DOCK4: variants seen among roughly 807,000 people sequenced by gnomAD.
The protein encoded by DOCK4 is dedicator of cytokinesis 4.
In DOCK4, 97 loss-of-function variants were observed where a neutral mutation model predicts 268.1. That is an observed-to-expected ratio of 0.36 (90% CI 0.31 to 0.43). The LOEUF (loss-of-function observed/expected upper bound fraction) is 0.43, where lower values mean the gene tolerates loss of function less well. DOCK4 is among the 20% of genes least tolerant of loss of function. DOCK4 has a pLI of 1.00. For missense variants in DOCK4, 2,145 were observed against 2,455.7 expected (o/e 0.87, Z 2.67); for synonymous variants, 954 against 887.2 (o/e 1.08, Z -1.34).
rs556943152 is a variant in DOCK4 at position 111,929,155 on chromosome 7, C to T, written c.1066+6385G>A. On this transcript the variant is annotated intron_variant, in intron 12 of 52. Coordinates refer to ENST00000428084, the MANE Select transcript of DOCK4 (RefSeq NM_001363540.2). ...ATATGTACATATGTGTGTATACATG[C>T]ATATATAAGTGTATATGTACATATA... is the stretch of plus-strand genomic sequence containing the variant. Among the ~76,000 whole-genome samples, 97 of 151,860 alleles carry T rather than the reference C, an allele frequency of 6.4e-4. 1 individual carries two copies. In the South Asian group the frequency reaches 0.018, roughly 28 times the overall value.
intron 30 of DOCK4, among the ~76,000 whole-genome samples, chr7:111,796,297 C>G (rs906256027): frequency 1.3e-5 from 2 of 152,212 alleles, no homozygotes; most frequent in African/African-American, 2.4e-5. Context: ...CTGAAAGTCC[C>G]TTTACATCAC....
chr7:111,884,704 T>C (rs1807690242), intron 16 of DOCK4, among the ~76,000 whole-genome samples: 1 of 152,074 alleles, frequency 6.6e-6, no homozygotes, highest in Non-Finnish European at 1.5e-5. Flanking sequence ...AAAGGGATCA[T>C]GCAACCTGGA....
chr7:111,783,568 ATTT>A (rs538422573), intron 34 of DOCK4, among the ~76,000 whole-genome samples: 1 of 145,302 alleles, frequency 6.9e-6, no homozygotes. Flanking sequence ...CAAAATAAAG[ATTT>A]TTTTTTTTTT....
intron 22 of DOCK4, among the ~76,000 whole-genome samples, chr7:111,865,933 C>T (rs1411617475): frequency 6.6e-6 from 1 of 152,242 alleles, no homozygotes; most frequent in East Asian, 1.9e-4. Flanking sequence ...AGAAACATTT[C>T]TGCCAATAGC....
chr7:112,018,179 A>AAAAAAAAAAAAAAAAAAAAAAAAAAAAAC, intron 1 of DOCK4, among the ~76,000 whole-genome samples: 1 of 72,590 alleles, frequency 1.4e-5, no homozygotes, highest in African/African-American at 5.4e-5. Context: ...AAAAAAAAAA[A>AAAAAAAAAAAAAAAAAAAAAAAAAAAAAC]ACACAGGCAA....
chr7:112,068,326 G>GT (rs1807268164), intron 1 of DOCK4, among the ~76,000 whole-genome samples: 1 of 152,162 alleles, frequency 6.6e-6, no homozygotes, highest in Non-Finnish European at 1.5e-5. Context: ...GATCTTGACA[G>GT]TTATATTTAC....
intron 12 of DOCK4, among the ~76,000 whole-genome samples, chr7:111,919,325 G>A (rs887634039): frequency 6.6e-6 from 1 of 152,090 alleles, no homozygotes; most frequent in Admixed American, 6.6e-5. Context: ...AAATACATCA[G>A]TGTTCTCTAG....
intron 1 of DOCK4, among the ~76,000 whole-genome samples, chr7:112,116,732 C>T (rs1239056380): frequency 2.0e-5 from 3 of 152,146 alleles, no homozygotes; most frequent in Non-Finnish European, 4.4e-5. Flanking sequence ...AGAGAATAAA[C>T]AAAGTCAAAA....
intron 1 of DOCK4, among the ~76,000 whole-genome samples, chr7:112,054,362 C>T (rs1805634751): frequency 6.6e-6 from 1 of 151,994 alleles, no homozygotes; most frequent in Non-Finnish European, 1.5e-5. Context: ...TCATTATATA[C>T]CTTTCTAACT....
chr7:112,042,952 C>A (rs912684609), intron 1 of DOCK4, among the ~76,000 whole-genome samples: 1 of 152,106 alleles, frequency 6.6e-6, no homozygotes, highest in Non-Finnish European at 1.5e-5. Context: ...TCTTTTGCAC[C>A]GCCCCGCCCG....
chr7:112,192,793 T>C (rs948957579), intron 1 of DOCK4, among the ~76,000 whole-genome samples: 2 of 152,190 alleles, frequency 1.3e-5, no homozygotes, highest in Admixed American at 1.3e-4. Context: ...ATCATAGGCA[T>C]ATACCATAAA....
intron 8 of DOCK4, among the ~76,000 whole-genome samples, chr7:111,961,805 C>A (rs1796920710): frequency 6.6e-6 from 1 of 152,134 alleles, no homozygotes. Flanking sequence ...TATTTTTATT[C>A]TAGGCAGAAT....
chr7:111,748,516 G>A (rs951556632), intron 42 of DOCK4, among the ~76,000 whole-genome samples: 1 of 152,182 alleles, frequency 6.6e-6, no homozygotes, highest in South Asian at 2.1e-4. Flanking sequence ...TAATGAAAAG[G>A]TGTTGGGCCT....
At chr7:112,008,863 G>A (rs192061782) in intron 1 of DOCK4, among the ~76,000 whole-genome samples, 209 of 152,202 alleles carry the variant, frequency 1.4e-3, no homozygotes, top group African/African-American at 4.6e-3. Context: ...GCGTGGTGGC[G>A]GGTGCCTGTA....
intron 36 of DOCK4, among the ~76,000 whole-genome samples, chr7:111,773,711 A>G (rs1007613517): frequency 1.3e-5 from 2 of 152,196 alleles, no homozygotes; most frequent in African/African-American, 4.8e-5. Context: ...TGAGAAGACT[A>G]AAGATAAGAA....
At chr7:111,867,760 C>G (rs907338260) in intron 22 of DOCK4, among the ~76,000 whole-genome samples, 8 of 152,134 alleles carry the variant, frequency 5.3e-5, no homozygotes, top group Admixed American at 5.2e-4. Flanking sequence ...AAACCAATAG[C>G]CTCTCCATGC....
intron 47 of DOCK4, among the ~76,000 whole-genome samples, chr7:111,740,729 TAAAAAAAAAAAA>T (rs59019816): frequency 1.7e-3 from 28 of 16,486 alleles, no homozygotes; most frequent in African/African-American, 6.6e-3. Flanking sequence ...TGAGACTCGC[TAAAAAAAAAAAA>T]AAAAAAAAAA....
At chr7:111,822,618 C>T (rs1044737853) in intron 26 of DOCK4, among the ~76,000 whole-genome samples, 162 bp from the exon 27 acceptor site, 1 of 152,184 alleles carries the variant, frequency 6.6e-6, no homozygotes, top group Non-Finnish European at 1.5e-5. Context: ...AGTCATGACC[C>T]TTCCCATTCT....
intron 1 of DOCK4, among the ~76,000 whole-genome samples, chr7:112,124,516 TC>T (rs1813040268): frequency 6.6e-6 from 1 of 152,178 alleles, no homozygotes; most frequent in South Asian, 2.1e-4. Context: ...AAATACAAGT[TC>T]TTTTTCTCCT....
Sources: gnomAD v4.1 joint callset for allele counts (sites outside exome capture counted in the v4.1 genomes callset) on GRCh38, gnomAD v4.1.1 for gene constraint, MANE v1.5 for transcripts, NCBI Gene and HGNC (gene_info 2026-07-23, HGNC 2026-07-21) for gene names.